ABHD12: variants seen among roughly 807,000 people sequenced by gnomAD.
ABHD12 encodes abhydrolase domain containing 12, lysophospholipase.
In ABHD12, 43 loss-of-function variants were observed where a neutral mutation model predicts 58.3. The observed-to-expected ratio is 0.74, with a 90% CI of 0.58 to 0.95. The LOEUF (loss-of-function observed/expected upper bound fraction) is 0.95. ABHD12 is among the 40% of genes least tolerant of loss of function. ABHD12 has a pLI of 0.00. For synonymous variants in ABHD12, 219 were observed against 211.2 expected, an observed-to-expected ratio of 1.04 and a Z score of -0.32; for missense variants, 539 against 537.2, an observed-to-expected ratio of 1.00 and a Z score of -0.03.
intron 2 of ABHD12, among the ~76,000 whole-genome samples, chr20:25,329,755 G>C (rs1568733437): frequency 6.6e-6 from 1 of 152,138 alleles, no homozygotes; most frequent in Admixed American, 6.5e-5. Context: ...TAAGAGGTGT[G>C]GTGTCAAGGG....
chr20:25,348,775 C>T (rs1242684551), intron 1 of ABHD12, among the ~76,000 whole-genome samples: 1 of 152,116 alleles, frequency 6.6e-6, no homozygotes, highest in African/African-American at 2.4e-5. Flanking sequence ...ACAAGCATTT[C>T]CCCCTAAATT....
intron 1 of ABHD12, among the ~76,000 whole-genome samples, chr20:25,369,992 TAA>T (rs1413491279): frequency 3.4e-5 from 5 of 149,062 alleles, no homozygotes; most frequent in Non-Finnish European, 5.9e-5. Context: ...CTTTTAGATA[TAA>T]GTGGGTCCTT....
chr20:25,330,901 G>C (rs530015995), intron 2 of ABHD12, among the ~76,000 whole-genome samples: 19 of 152,226 alleles, frequency 1.2e-4, no homozygotes, highest in Non-Finnish European at 2.2e-4. Flanking sequence ...CTATAAAGCA[G>C]AGCGCCTCTC....
intron 2 of ABHD12, among the ~76,000 whole-genome samples, chr20:25,334,510 CA>C (rs2089330087): frequency 6.6e-6 from 1 of 152,130 alleles, no homozygotes; most frequent in South Asian, 2.1e-4. Context: ...AATCCTAAGC[CA>C]AAAGAACAAA....
chr20:25,374,184 C>T (rs1485175273), intron 1 of ABHD12, among the ~76,000 whole-genome samples: 1 of 152,076 alleles, frequency 6.6e-6, no homozygotes, highest in Admixed American at 6.6e-5. Flanking sequence ...CTTTATCCTC[C>T]CAAAGTGCTA....
chr20:25,299,916 C>T (rs986128048), downstream of ABHD12, among the ~76,000 whole-genome samples: 1 of 152,170 alleles, frequency 6.6e-6, no homozygotes, highest in East Asian at 1.9e-4. Context: ...TTTTGTAGAT[C>T]TGAGAACCGC....
chr20:25,318,468 G>A (rs751718109), intron 4 of ABHD12, among the ~76,000 whole-genome samples: 2 of 152,182 alleles, frequency 1.3e-5, no homozygotes, highest in Non-Finnish European at 1.5e-5. Flanking sequence ...GGAATCCAGG[G>A]GGTCTGGACC....
At chr20:25,322,303 G>A (rs1245999406) in intron 3 of ABHD12, among the ~76,000 whole-genome samples, 1 of 146,764 alleles carries the variant, frequency 6.8e-6, no homozygotes, top group Non-Finnish European at 1.5e-5. Flanking sequence ...CTGGTGCGAA[G>A]CTATATGTGA....
downstream of ABHD12, chr20:25,295,611 G>C: frequency 6.2e-7 from 1 of 1,613,932 alleles, no homozygotes; most frequent in Non-Finnish European, 8.5e-7. Context: ...CAGGTTCAAG[G>C]TGTTTGCAGA....
chr20:25,311,988 G>A (rs142518613), intron 6 of ABHD12, among the ~76,000 whole-genome samples: 1,693 of 151,980 alleles, frequency 0.011, 33 homozygotes, highest in African/African-American at 0.036. Context: ...GATTACAGGC[G>A]TGAGCCACCG....
chr20:25,305,950 G>A (rs1325531181), intron 10 of ABHD12, among the ~76,000 whole-genome samples: 5 of 152,064 alleles, frequency 3.3e-5, no homozygotes, highest in South Asian at 2.1e-4. Context: ...CAGATCACCC[G>A]AGATCAGGAG....
chr20:25,368,613 G>A (rs2089856691), intron 1 of ABHD12: 1 of 1,383,462 alleles, frequency 7.2e-7, no homozygotes, highest in South Asian at 1.2e-5. Flanking sequence ...TTCTGTGAAA[G>A]CGGAAACCCT....
chr20:25,348,025 C>T (rs1284504414), intron 1 of ABHD12, among the ~76,000 whole-genome samples: 9 of 151,622 alleles, frequency 5.9e-5, no homozygotes, highest in Admixed American at 2.0e-4. Context: ...TCCTGGCCAA[C>T]GTGGTGAAAA....
intron 3 of ABHD12, among the ~76,000 whole-genome samples, chr20:25,320,921 G>A (rs1439685717): frequency 6.6e-6 from 1 of 152,212 alleles, no homozygotes; most frequent in Non-Finnish European, 1.5e-5. Context: ...CCCTCCTTCA[G>A]AGAGATACTG....
chr20:25,378,071 C>T (rs1164576428), intron 1 of ABHD12, among the ~76,000 whole-genome samples: 3 of 152,236 alleles, frequency 2.0e-5, no homozygotes, highest in South Asian at 2.1e-4. Flanking sequence ...ATGAAATTTT[C>T]GGGGACACAT....
At chr20:25,337,912 T>C (rs867314685) in intron 2 of ABHD12, among the ~76,000 whole-genome samples, 48 of 152,356 alleles carry the variant, frequency 3.2e-4, no homozygotes, top group African/African-American at 1.1e-3. Context: ...CTAGAAGTTC[T>C]ACTTTTCCAT....
intron 1 of ABHD12, among the ~76,000 whole-genome samples, chr20:25,373,500 T>C (rs943527705): frequency 1.3e-5 from 2 of 151,996 alleles, no homozygotes; most frequent in Non-Finnish European, 2.9e-5. Flanking sequence ...TGAGCAGAGA[T>C]TGTGCCACTG....
At chr20:25,308,266 G>C (rs1039000701) in intron 8 of ABHD12, among the ~76,000 whole-genome samples, 191 bp downstream of exon 8, 9 of 152,210 alleles carry the variant, frequency 5.9e-5, no homozygotes, top group Non-Finnish European at 1.0e-4. Context: ...CGGCTCTGGG[G>C]CCAGACCTGT....
At chr20:25,385,880 C>T (rs187546462) in intron 1 of ABHD12, among the ~76,000 whole-genome samples, 19 of 152,002 alleles carry the variant, frequency 1.2e-4, no homozygotes, top group Admixed American at 9.8e-4. Context: ...AGGCGGATCA[C>T]GAGGTCAGGA....
Sources: gnomAD v4.1 joint callset for allele counts (sites outside exome capture counted in the v4.1 genomes callset) on GRCh38, gnomAD v4.1.1 for gene constraint, MANE v1.5 for transcripts, NCBI Gene and HGNC (gene_info 2026-07-23, HGNC 2026-07-21) for gene names.